The following PRR5L variants were observed in gnomAD, a reference collection of about 807,000 sequenced individuals.
PRR5L encodes the protein proline-rich protein 5-like.
Under a neutral mutation model 36.4 loss-of-function variants are expected in PRR5L, and 21 were observed. The observed-to-expected ratio is 0.58, with a 90% CI of 0.41 to 0.83. The LOEUF is 0.83. PRR5L is among the 40% of genes least tolerant of loss of function. PRR5L has a pLI of 0.00. For synonymous variants in PRR5L, 188 were observed against 197.0 expected (o/e 0.95, Z 0.38); for missense variants, 381 against 473.3 (o/e 0.80, Z 1.81).
At chr11:36,433,904 G>A (rs1388399885) in intron 5 of PRR5L, among the ~76,000 whole-genome samples, 1 of 152,202 alleles carries the variant, frequency 6.6e-6, no homozygotes, top group Non-Finnish European at 1.5e-5. Flanking sequence ...GTGGTAAAGG[G>A]AGGGAAAGGA....
At chr11:36,458,816 C>T (rs994525201) in intron 8 of PRR5L, among the ~76,000 whole-genome samples, 1 of 152,234 alleles carries the variant, frequency 6.6e-6, no homozygotes, top group South Asian at 2.1e-4. Flanking sequence ...GGTGTTCCCC[C>T]TCCTGTCCAA....
At chr11:36,434,542 T>A (rs895171441) in intron 5 of PRR5L, among the ~76,000 whole-genome samples, 3 of 152,206 alleles carry the variant, frequency 2.0e-5, no homozygotes, top group African/African-American at 7.2e-5. Context: ...GGGCAGAAGA[T>A]GCCATGTTAA....
At chr11:36,432,163 G>GTTTTTGT (rs1043073490) in intron 5 of PRR5L, among the ~76,000 whole-genome samples, 2 of 7,952 alleles carry the variant, frequency 2.5e-4, no homozygotes, top group Non-Finnish European at 1.1e-3. Flanking sequence ...GTTTTTTTTT[G>GTTTTTGT]TTTTGTTTTT....
chr11:36,446,574 C>T (rs1042371232), intron 7 of PRR5L, 134 bp downstream of exon 7: 3 of 1,063,522 alleles, frequency 2.8e-6, no homozygotes, highest in South Asian at 1.6e-5. Flanking sequence ...AGTTTGTTGG[C>T]CCGTGTTCAT....
At chr11:36,390,493 A>G (rs1311205132) in intron 1 of PRR5L, among the ~76,000 whole-genome samples, 1 of 152,214 alleles carries the variant, frequency 6.6e-6, no homozygotes, top group Non-Finnish European at 1.5e-5. Context: ...GTTGGGTTCT[A>G]GTTCCAGCAT....
At chr11:36,312,152 C>T (rs1042546388) in intron 1 of PRR5L, among the ~76,000 whole-genome samples, 1 of 152,010 alleles carries the variant, frequency 6.6e-6, no homozygotes, top group African/African-American at 2.4e-5. Flanking sequence ...TACTGAATAC[C>T]GTTTTTTGAG....
chr11:36,357,778 T>A (rs1434983800), intron 1 of PRR5L, among the ~76,000 whole-genome samples: 1 of 152,202 alleles, frequency 6.6e-6, no homozygotes, highest in Non-Finnish European at 1.5e-5. Flanking sequence ...GAAGTTGTGA[T>A]AAAGATGTAC....
At chr11:36,415,850 C>A (rs1386490603) in intron 3 of PRR5L, among the ~76,000 whole-genome samples, 1 of 152,176 alleles carries the variant, frequency 6.6e-6, no homozygotes, top group African/African-American at 2.4e-5. Flanking sequence ...TATGGGGAAA[C>A]CCCTTCATAT....
rs187672992 is a variant in PRR5L at position 36,446,549 on chromosome 11, G to A, written c.585+109G>A. The A allele has an allele frequency of 3.5e-4, 468 of 1,325,904 alleles. No individual in the cohort carries two copies. The African/African-American group carries it at 6.2e-3, about 18-fold the overall frequency. The allele number at this position is 1,325,904 out of a possible 1,614,324, so 82.1% of individuals were successfully genotyped here. A position where few individuals can be genotyped will look rare whatever the true frequency, so the allele number is the denominator to read the frequency against. On this transcript the variant is annotated intron_variant, in intron 7 of 8. Coordinates refer to ENST00000530639, the MANE Select transcript of PRR5L (RefSeq NM_001160167.2). Reference sequence around the variant, plus strand: ...CCTAGTGACCAGAGCACCTTAGCTTGGCTTACTACTATTTAGTTTGTTGGC... The same window carrying A: ...CCTAGTGACCAGAGCACCTTAGCTTAGCTTACTACTATTTAGTTTGTTGGC...
intron 1 of PRR5L, chr11:36,376,553 C>T (rs970248069): frequency 1.0e-6 from 1 of 1,000,652 alleles, no homozygotes; most frequent in Non-Finnish European, 1.2e-6. Context: ...CAGAGCGCGA[C>T]GGGGAGAACC....
intron 1 of PRR5L, among the ~76,000 whole-genome samples, chr11:36,304,635 T>G (rs548339147): frequency 6.6e-6 from 1 of 152,326 alleles, no homozygotes; most frequent in East Asian, 1.9e-4. Flanking sequence ...TAATTTTTGT[T>G]TTCACAAATA....
intron 7 of PRR5L, among the ~76,000 whole-genome samples, chr11:36,447,204 T>C (rs1033268366): frequency 1.3e-5 from 2 of 152,224 alleles, no homozygotes; most frequent in African/African-American, 4.8e-5. Flanking sequence ...AGACAATCAC[T>C]GTATGAAGTA....
chr11:36,460,366 C>T (rs1859153960), intron 8 of PRR5L, among the ~76,000 whole-genome samples: 1 of 152,162 alleles, frequency 6.6e-6, no homozygotes, highest in Admixed American at 6.5e-5. Flanking sequence ...CAAGCTGCCT[C>T]CTCTGCATCC....
At chr11:36,414,556 GTTGT>G (rs1368477804) in intron 3 of PRR5L, among the ~76,000 whole-genome samples, 12 of 143,558 alleles carry the variant, frequency 8.4e-5, no homozygotes, top group South Asian at 4.7e-4. Flanking sequence ...TTTTGATGGG[GTTGT>G]TTGTTTTTTT....
At chr11:36,371,851 C>T (rs116676351) in intron 1 of PRR5L, among the ~76,000 whole-genome samples, 1 of 151,956 alleles carries the variant, frequency 6.6e-6, no homozygotes, top group Non-Finnish European at 1.5e-5. Flanking sequence ...CCGAGGTCAA[C>T]GGTTGGAGAC....
chr11:36,438,769 A>G (rs908893540), intron 6 of PRR5L, among the ~76,000 whole-genome samples: 2 of 151,770 alleles, frequency 1.3e-5, no homozygotes, highest in Non-Finnish European at 2.9e-5. Context: ...ATGACAACCC[A>G]TCTCTATTAA....
chr11:36,327,998 C>T (rs755474338), intron 1 of PRR5L, among the ~76,000 whole-genome samples: 1 of 152,166 alleles, frequency 6.6e-6, no homozygotes, highest in Non-Finnish European at 1.5e-5. Flanking sequence ...TTGGGGTTGT[C>T]ACAGGTCATG....
intron 1 of PRR5L, among the ~76,000 whole-genome samples, chr11:36,320,052 T>A (rs1375849134): frequency 1.3e-5 from 2 of 152,118 alleles, no homozygotes; most frequent in Non-Finnish European, 2.9e-5. Context: ...ATATCAAGTG[T>A]ATTCAGCAGG....
intron 6 of PRR5L, among the ~76,000 whole-genome samples, chr11:36,445,066 A>G (rs961923224): frequency 2.0e-5 from 3 of 152,194 alleles, no homozygotes; most frequent in Non-Finnish European, 4.4e-5. Context: ...ATAATTTTTT[A>G]TGGTATTGAA....
Sources: gnomAD v4.1 joint callset for allele counts (sites outside exome capture counted in the v4.1 genomes callset) on GRCh38, gnomAD v4.1.1 for gene constraint, MANE v1.5 for transcripts, NCBI Gene and HGNC (gene_info 2026-07-23, HGNC 2026-07-21) for gene names.